The following FOXP2 variants were observed in gnomAD, a reference collection of about 807,000 sequenced individuals.
FOXP2 encodes forkhead box protein P2.
A neutral mutation model predicts 115.8 loss-of-function variants in FOXP2; 12 were observed. The observed-to-expected ratio is 0.10, with a 90% confidence interval of 0.07 to 0.17. The LOEUF is 0.17. Ranked by LOEUF, FOXP2 falls within the 10% of genes least tolerant of loss-of-function variation. The probability of loss-of-function intolerance (pLI) is 1.00; values close to 1 mark genes in which losing one functional copy is unlikely to be tolerated. For missense variants in FOXP2, 629 were observed against 843.5 expected, an observed-to-expected ratio of 0.75 and a Z score of 3.15; for synonymous variants, 328 against 297.7, an observed-to-expected ratio of 1.10 and a Z score of -1.05.
intron 1 of FOXP2, among the ~76,000 whole-genome samples, chr7:114,113,777 A>G (rs1371549401): frequency 6.6e-6 from 1 of 152,120 alleles, no homozygotes; most frequent in Non-Finnish European, 1.5e-5. Flanking sequence ...GTGCTGGGTT[A>G]AGGTGTGGGC....
At chr7:114,110,688 G>A (rs1791246701) in intron 1 of FOXP2, among the ~76,000 whole-genome samples, 1 of 152,104 alleles carries the variant, frequency 6.6e-6, no homozygotes, top group Non-Finnish European at 1.5e-5. Flanking sequence ...ATTCAGTATT[G>A]ATTAGAGGTG....
intron 2 of FOXP2, among the ~76,000 whole-genome samples, chr7:114,427,562 A>T (rs1793914953): frequency 1.3e-5 from 2 of 151,620 alleles, no homozygotes; most frequent in South Asian, 2.1e-4. Flanking sequence ...TTTTAAAATA[A>T]ATATTATTTC....
At chr7:114,167,129 C>A (rs759086194) in intron 1 of FOXP2, among the ~76,000 whole-genome samples, 1 of 152,186 alleles carries the variant, frequency 6.6e-6, no homozygotes, top group Non-Finnish European at 1.5e-5. Flanking sequence ...AAAACTTGCA[C>A]TAGAACATTT....
intron 7 of FOXP2, 85 bp downstream of exon 7, chr7:114,642,708 C>A: frequency 2.4e-6 from 3 of 1,239,008 alleles, no homozygotes; most frequent in South Asian, 1.2e-5. Flanking sequence ...ACAATTTGTA[C>A]TTGGAGCAAG....
intron 3 of FOXP2, among the ~76,000 whole-genome samples, chr7:114,579,004 G>A (rs2129300242): frequency 6.6e-6 from 1 of 152,198 alleles, no homozygotes; most frequent in African/African-American, 2.4e-5. Flanking sequence ...TGGTTACCAA[G>A]CCTTAATCCT....
At chr7:114,267,622 G>T (rs1326250504) in intron 1 of FOXP2, among the ~76,000 whole-genome samples, 1 of 151,698 alleles carries the variant, frequency 6.6e-6, no homozygotes, top group African/African-American at 2.4e-5. Context: ...AACTACTCGG[G>T]AGGCTGAGGC....
intron 2 of FOXP2, among the ~76,000 whole-genome samples, chr7:114,372,972 C>T (rs1055847772): frequency 1.3e-5 from 2 of 151,928 alleles, no homozygotes; most frequent in South Asian, 4.2e-4. Context: ...TGTAATCATA[C>T]TGGCACGAAA....
chr7:114,659,255 C>A (rs1261670230), intron 11 of FOXP2, 101 bp from the exon 12 acceptor site: 1 of 857,722 alleles, frequency 1.2e-6, no homozygotes, highest in African/African-American at 1.7e-5. Context: ...TCGGTGGCTT[C>A]CTCACTGAAT....
At chr7:114,570,076 G>A (rs1041783494) in intron 3 of FOXP2, among the ~76,000 whole-genome samples, 2 of 151,794 alleles carry the variant, frequency 1.3e-5, no homozygotes, top group African/African-American at 4.8e-5. Flanking sequence ...CAAAATCTTT[G>A]AAATGTCTAA....
chr7:114,387,792 G>A (rs1792489298), intron 2 of FOXP2, among the ~76,000 whole-genome samples: 1 of 152,030 alleles, frequency 6.6e-6, no homozygotes, highest in Admixed American at 6.6e-5. Flanking sequence ...AATAGACAAG[G>A]TAAATTAATT....
At chr7:114,381,703 A>T (rs1792306628) in intron 2 of FOXP2, among the ~76,000 whole-genome samples, 1 of 152,160 alleles carries the variant, frequency 6.6e-6, no homozygotes, top group Admixed American at 6.5e-5. Context: ...TAATCCTGAG[A>T]TCTTGCACTA....
At chr7:114,359,743 A>G (rs1346325271) in intron 2 of FOXP2, among the ~76,000 whole-genome samples, 1 of 152,114 alleles carries the variant, frequency 6.6e-6, no homozygotes, top group African/African-American at 2.4e-5. Flanking sequence ...GTTTTGACCA[A>G]TTTCTCCCAT....
intron 2 of FOXP2, among the ~76,000 whole-genome samples, chr7:114,508,414 G>A (rs1364537047): frequency 1.3e-5 from 2 of 152,044 alleles, no homozygotes; most frequent in Non-Finnish European, 2.9e-5. Flanking sequence ...ACACATGAAT[G>A]AATAAAACTG....
chr7:114,174,313 A>G (rs1363871048), intron 1 of FOXP2, among the ~76,000 whole-genome samples: 1 of 151,976 alleles, frequency 6.6e-6, no homozygotes, highest in African/African-American at 2.4e-5. Flanking sequence ...TCTTATAGGA[A>G]TGATATAGTT....
intron 16 of FOXP2, among the ~76,000 whole-genome samples, chr7:114,686,274 G>T (rs1242920563): frequency 6.6e-6 from 1 of 151,972 alleles, no homozygotes; most frequent in East Asian, 1.9e-4. Context: ...CCAGGTTCAG[G>T]TGATTTTCCC....
At chr7:114,223,052 G>A (rs118127142) in intron 1 of FOXP2, among the ~76,000 whole-genome samples, 1 of 152,140 alleles carries the variant, frequency 6.6e-6, no homozygotes, top group Non-Finnish European at 1.5e-5. Context: ...GCCAACAATA[G>A]CAGAACATTT....
intron 3 of FOXP2, among the ~76,000 whole-genome samples, chr7:114,587,115 T>C (rs759735605): frequency 2.6e-5 from 4 of 151,952 alleles, no homozygotes; most frequent in Admixed American, 6.6e-5. Context: ...AACGTGCAGG[T>C]TTGTTACACA....
chr7:114,176,296 CTT>C (rs71689348), intron 1 of FOXP2, among the ~76,000 whole-genome samples: 44,988 of 93,598 alleles, frequency 0.48, 8,570 homozygotes, highest in Non-Finnish European at 0.58. Flanking sequence ...TTCTTTCTTT[CTT>C]TCTCTCTCTC....
chr7:114,438,875 A>T (rs73434173), intron 2 of FOXP2, among the ~76,000 whole-genome samples: 3,775 of 152,232 alleles, frequency 0.025, 156 homozygotes, highest in African/African-American at 0.086. Flanking sequence ...TTGCTACCCA[A>T]TGACTGCCAG....
Sources: allele counts gnomAD v4.1 joint callset (sites outside exome capture counted in the v4.1 genomes callset), GRCh38; gene constraint gnomAD v4.1.1; transcripts MANE v1.5; gene names NCBI Gene and HGNC (gene_info 2026-07-23, HGNC 2026-07-21).